Variants in PARD3B observed in about 807,000 individuals in gnomAD.
PARD3B encodes par-3 family cell polarity regulator beta, also known as partitioning defective 3 homolog B.
PARD3B carries 103 observed loss-of-function variants against 130.2 expected under a neutral mutation model. The observed-to-expected ratio is 0.79, with a 90% CI of 0.67 to 0.93. The LOEUF (loss-of-function observed/expected upper bound fraction) is 0.93, where lower values mean the gene tolerates loss of function less well. PARD3B is among the 40% of genes least tolerant of loss of function. The pLI is 0.00. For missense variants in PARD3B, 1,609 were observed against 1,499.2 expected, an observed-to-expected ratio of 1.07 and a Z score of -1.21; for synonymous variants, 583 against 553.2, an observed-to-expected ratio of 1.05 and a Z score of -0.76.
At chr2:205,071,767 T>G (rs1418207654) in intron 4 of PARD3B, among the ~76,000 whole-genome samples, 1 of 152,208 alleles carries the variant, frequency 6.6e-6, no homozygotes, top group Non-Finnish European at 1.5e-5. Context: ...ATTTTTAAAA[T>G]AAATTATTGT....
In PARD3B at chr2:205,230,964, C is replaced by A. The variant is rs923411514; in HGVS notation, c.2141-14814C>A. Among the ~76,000 whole-genome samples, 1 of 152,100 alleles carries A rather than the reference C, an allele frequency of 6.6e-6. No individual in the cohort carries two copies. The highest frequency in any genetic ancestry group is 1.5e-5 in the Non-Finnish European group (1 of 68,028). ...CTCCAATCACTATGCTCTCCCTCCC[C>A]AAGGTGCACAGATTCTGTCTGTACC... is the stretch of plus-strand genomic sequence containing the variant. On this transcript the variant is annotated intron_variant, in intron 15 of 22. Transcript: ENST00000406610. The surrounding 1 kb of genome is among the most constrained non-coding windows in gnomAD (Gnocchi z 4.1).
chr2:204,964,195 G>C (rs1393716937), intron 2 of PARD3B, among the ~76,000 whole-genome samples: 1 of 152,174 alleles, frequency 6.6e-6, no homozygotes, highest in African/African-American at 2.4e-5. Context: ...AATGACAGTA[G>C]CATCCTGTAG....
At chr2:205,576,551 G>A (rs974817957) in intron 22 of PARD3B, among the ~76,000 whole-genome samples, 3 of 152,096 alleles carry the variant, frequency 2.0e-5, no homozygotes, top group Admixed American at 6.6e-5. Flanking sequence ...TTGAAAAGAC[G>A]ATCTCTTCTC....
At position 205,020,934 on chromosome 2, in the gene PARD3B, A is replaced by T. The variant is rs570914439; in HGVS notation, c.395-26647A>T. ...GATGGGAGTCTTCAGCCTGAGTGAG[A>T]TCCCGCTAGAGGCCTTCCCTTCAGA... On this transcript the variant is annotated intron_variant, in intron 3 of 22. Transcript: ENST00000406610. Among the ~76,000 whole-genome samples the T allele has an allele frequency of 3.3e-5, 5 of 152,244 alleles. No individual in the cohort carries two copies. The East Asian group carries it at 9.7e-4, about 30-fold the overall frequency.
chr2:205,607,837 CACACACACA>C (rs1559265608), intron 22 of PARD3B, among the ~76,000 whole-genome samples: 17 of 94,450 alleles, frequency 1.8e-4, no homozygotes, highest in African/African-American at 4.3e-4. Flanking sequence ...CCCATACACA[CACACACACA>C]CACACACACA....
At chr2:204,739,978 T>G (rs566608670) in intron 2 of PARD3B, among the ~76,000 whole-genome samples, 59 of 151,830 alleles carry the variant, frequency 3.9e-4, no homozygotes, top group African/African-American at 1.3e-3. Context: ...TTCCCTAAAC[T>G]TTAATTCTGT....
At chr2:205,297,695 A>G (rs1377897174) in intron 16 of PARD3B, among the ~76,000 whole-genome samples, 1 of 152,194 alleles carries the variant, frequency 6.6e-6, no homozygotes, top group Non-Finnish European at 1.5e-5. Context: ...TCCCTACTCT[A>G]CAGCTACATT....
chr2:204,802,294 C>G (rs1206695233), intron 2 of PARD3B, among the ~76,000 whole-genome samples: 1 of 152,078 alleles, frequency 6.6e-6, no homozygotes, highest in Non-Finnish European at 1.5e-5. Context: ...CAATGAGATA[C>G]CATGTCATGC....
intron 4 of PARD3B, among the ~76,000 whole-genome samples, chr2:205,067,360 C>G (rs1700460222): frequency 6.6e-6 from 1 of 151,902 alleles, no homozygotes; most frequent in African/African-American, 2.4e-5. Flanking sequence ...ATAGAGGTTT[C>G]ACTAGGTTGC....
chr2:204,713,346 G>C (rs1246064967), intron 2 of PARD3B, among the ~76,000 whole-genome samples: 1 of 146,364 alleles, frequency 6.8e-6, no homozygotes, highest in East Asian at 2.0e-4. Context: ...CTGAAAAAAT[G>C]GTAAATTTTA....
intron 1 of PARD3B, among the ~76,000 whole-genome samples, chr2:204,589,279 G>T (rs114648058): frequency 1.3e-5 from 2 of 152,270 alleles, no homozygotes; most frequent in South Asian, 4.1e-4. Context: ...TTGGCAAATA[G>T]ATATTGGAGC....
chr2:205,515,554 G>T (rs1391601673), intron 21 of PARD3B, among the ~76,000 whole-genome samples: 1 of 136,012 alleles, frequency 7.4e-6, no homozygotes, highest in Non-Finnish European at 1.5e-5. Context: ...GTGTGAGATG[G>T]TATCGCGATA....
chr2:204,579,192 G>C (rs2032420382), intron 1 of PARD3B, among the ~76,000 whole-genome samples: 1 of 151,934 alleles, frequency 6.6e-6, no homozygotes, highest in South Asian at 2.1e-4. Flanking sequence ...CATTTTGTGA[G>C]TACTGCTCTG....
In PARD3B at chr2:205,461,374, G is replaced by A. The variant is rs531282382; in HGVS notation, c.3044+20702G>A. 2.6e-5 allele frequency among the ~76,000 whole-genome samples: 4 copies of A among 152,272 alleles called. No homozygotes were observed. In the East Asian group the frequency reaches 5.8e-4, roughly 22 times the overall value. On this transcript the variant is annotated intron_variant, in intron 20 of 22. Coordinates refer to ENST00000406610, the MANE Select transcript of PARD3B (RefSeq NM_001302769.2). The surrounding 1 kb of genome is among the most constrained non-coding windows in gnomAD (Gnocchi z 4.3). ...CCAAGCAAGAGGATAAAGAGCAGAG[G>A]CTTAGTAAATGGATGAGTCAGTCTG...
At chr2:204,813,778 C>T (rs369434386) in intron 2 of PARD3B, among the ~76,000 whole-genome samples, 13 of 152,022 alleles carry the variant, frequency 8.6e-5, no homozygotes, top group African/African-American at 1.2e-4. Context: ...ATTCTTTCTA[C>T]GCTGTATTGC....
At chr2:204,674,791 T>C (rs1181075895) in intron 1 of PARD3B, among the ~76,000 whole-genome samples, 1 of 152,158 alleles carries the variant, frequency 6.6e-6, no homozygotes, top group African/African-American at 2.4e-5. Flanking sequence ...TACACAAAGA[T>C]ACACACAACT....
At chr2:204,645,772 C>G (rs2035250767) in intron 1 of PARD3B, among the ~76,000 whole-genome samples, 1 of 152,116 alleles carries the variant, frequency 6.6e-6, no homozygotes, top group Non-Finnish European at 1.5e-5. Context: ...TCTCACTAAA[C>G]TTTTAAAAGA....
intron 1 of PARD3B, among the ~76,000 whole-genome samples, chr2:204,554,390 A>G (rs1212522901): frequency 6.6e-6 from 1 of 151,954 alleles, no homozygotes; most frequent in Non-Finnish European, 1.5e-5. Context: ...CCAACTCCAA[A>G]TCAAGTCCTC....
intron 18 of PARD3B, among the ~76,000 whole-genome samples, chr2:205,372,868 A>T (rs929235794): frequency 6.6e-6 from 1 of 152,124 alleles, no homozygotes; most frequent in Non-Finnish European, 1.5e-5. Context: ...AAGCCCAGCT[A>T]CTCGGGAGGC....
Sources: allele counts gnomAD v4.1 joint callset (sites outside exome capture counted in the v4.1 genomes callset), GRCh38; gene constraint gnomAD v4.1.1; non-coding constraint Gnocchi (gnomAD v3.1); transcripts MANE v1.5; gene names NCBI Gene and HGNC (gene_info 2026-07-23, HGNC 2026-07-21).